Variants in CUBN observed in about 807,000 individuals in gnomAD.
CUBN encodes cubilin, also known as 460 kDa receptor.
CUBN carries 282 observed loss-of-function variants against 405.3 expected under a neutral mutation model. The observed-to-expected ratio is 0.70, with a 90% confidence interval of 0.63 to 0.77. The LOEUF (loss-of-function observed/expected upper bound fraction) is 0.77, where lower values mean the gene tolerates loss of function less well. Among genes scored for constraint, CUBN ranks in the 30% least tolerant of loss-of-function variants. CUBN has a pLI of 0.00. For synonymous variants in CUBN, 1,684 were observed against 1,617.0 expected (o/e 1.04, Z -0.99); for missense variants, 4,514 against 4,475.2 (o/e 1.01, Z -0.25).
At chr10:16,965,450 T>G (rs1258182350) in intron 31 of CUBN, among the ~76,000 whole-genome samples, 1 of 152,038 alleles carries the variant, frequency 6.6e-6, no homozygotes, top group African/African-American at 2.4e-5. Flanking sequence ...TCTGCTGTAA[T>G]CAAAACCCTG....
chr10:17,074,043 C>T (rs1028569032), intron 17 of CUBN, among the ~76,000 whole-genome samples: 7 of 152,220 alleles, frequency 4.6e-5, no homozygotes, highest in African/African-American at 1.2e-4. Context: ...TATATACCGC[C>T]GCTGTTCAGT....
chr10:17,067,281 A>T (rs1835631907), intron 21 of CUBN, among the ~76,000 whole-genome samples: 1 of 152,174 alleles, frequency 6.6e-6, no homozygotes, highest in African/African-American at 2.4e-5. Context: ...GCTAGAGAAA[A>T]AAAATTCATG....
intron 6 of CUBN, among the ~76,000 whole-genome samples, chr10:17,117,350 A>G (rs138284760): frequency 1.3e-5 from 2 of 152,156 alleles, no homozygotes; most frequent in East Asian, 3.9e-4. Flanking sequence ...ACACCTCCCA[A>G]CAATGTTTAA....
At chr10:17,105,247 C>T (rs1189125802) in intron 11 of CUBN, among the ~76,000 whole-genome samples, 1 of 152,004 alleles carries the variant, frequency 6.6e-6, no homozygotes, top group Non-Finnish European at 1.5e-5. Context: ...AGTTTTAGTA[C>T]TTCATAAACC....
Position 17,100,192 on chromosome 10 carries a change from G to C in CUBN, c.1578C>G (p.Asn526Lys), listed in dbSNP as rs767019816. Residue 526 changes from asparagine (N) to lysine (K), a missense_variant, in exon 14 of 67, where the codon AAC becomes AAG. Coordinates refer to ENST00000377833, the MANE Select transcript of CUBN (RefSeq NM_001081.4). ...AAACCTGAAGAAACTCGTGTGGACA[G>C]TTGTCCATGGATTCTAACCGGAAAA... ...FTFFRLESMD[N>K]CPHEFLQVYD... 1.9e-6 allele frequency: 3 copies of C among 1,614,026 alleles called. No homozygotes were observed. The South Asian group carries it at 3.3e-5, about 18-fold the overall frequency.
intron 33 of CUBN, among the ~76,000 whole-genome samples, chr10:16,951,233 T>C (rs937127816): frequency 5.9e-5 from 9 of 152,182 alleles, no homozygotes; most frequent in Non-Finnish European, 1.2e-4. Context: ...CAACTTTCTT[T>C]GGGGCTCCAC....
At chr10:16,903,286 T>G (rs2131428075) in intron 51 of CUBN, among the ~76,000 whole-genome samples, 1 of 152,322 alleles carries the variant, frequency 6.6e-6, no homozygotes, top group South Asian at 2.1e-4. Context: ...TGGAAGGGAC[T>G]TTCTTTAACA....
intron 60 of CUBN, among the ~76,000 whole-genome samples, chr10:16,841,571 C>T (rs1839349116): frequency 6.6e-6 from 1 of 152,182 alleles, no homozygotes. Context: ...TCTCCTCTCC[C>T]ACCCCTGACC....
chr10:16,953,834 G>A (rs4747291), intron 32 of CUBN, among the ~76,000 whole-genome samples: 14,320 of 150,458 alleles, frequency 0.095, 1,381 homozygotes, highest in African/African-American at 0.22. Context: ...CTGGGTGACA[G>A]AGAGAGACCC....
intron 59 of CUBN, among the ~76,000 whole-genome samples, chr10:16,853,869 G>T (rs149036399): frequency 1.3e-5 from 2 of 152,112 alleles, no homozygotes; most frequent in Non-Finnish European, 2.9e-5. Flanking sequence ...ACAGAAGAAC[G>T]ATGACTGAGG....
In CUBN at chr10:17,103,142, T is replaced by G. The variant is rs978754513; in HGVS notation, c.1513A>C (p.Lys505Gln). ...ACATTTACCTTTCCCATTTCAGTTT[T>G]GATAACCCAGAAGCAGTTAACATCA... ...VHDVNCFWVI[K>Q]TEMGKVLRIT... The change falls in exon 13 of 67, where the codon AAA (lysine) becomes CAA (glutamine). Residue 505 changes from lysine to glutamine, a missense_variant. This residue lies in a region of CUBN where 1,448 missense variants were observed against 1,388.0 expected (regional missense o/e 1.04). Coordinates refer to ENST00000377833, the MANE Select transcript of CUBN (RefSeq NM_001081.4). 5 of 1,611,786 alleles carry G rather than the reference T, an allele frequency of 3.1e-6. No individual in the cohort carries two copies. In the African/African-American group the frequency reaches 6.7e-5, roughly 22 times the overall value.
At chr10:16,843,177 C>A (rs1839409022) in intron 60 of CUBN, among the ~76,000 whole-genome samples, 1 of 152,202 alleles carries the variant, frequency 6.6e-6, no homozygotes, top group Admixed American at 6.5e-5. Flanking sequence ...GAACAATTCC[C>A]AACCATGGCT....
intron 22 of CUBN, among the ~76,000 whole-genome samples, chr10:17,058,523 AC>A (rs991310161): frequency 1.3e-5 from 2 of 152,086 alleles, no homozygotes; most frequent in Non-Finnish European, 1.5e-5. Flanking sequence ...ATTTGAAGGG[AC>A]CCCTGCTACA....
Position 16,899,094 on chromosome 10 carries a change from T to C in CUBN, c.8500A>G (p.Thr2834Ala). Residue 2834 changes from threonine (T) to alanine (A), a missense_variant, in exon 54 of 67, where the codon ACG (threonine) becomes GCG (alanine). This residue lies in a region of CUBN where 1,186 missense variants were observed against 1,186.9 expected (regional missense o/e 1.00). Coordinates refer to ENST00000377833, the MANE Select transcript of CUBN (RefSeq NM_001081.4). ...TGTTTACTTTTGTGAGTAATGGCCGTCCAGGAACATCTGCTGTTTTCGGGA... is the reference window on the plus strand; with the variant it reads ...TGTTTACTTTTGTGAGTAATGGCCGCCCAGGAACATCTGCTGTTTTCGGGA... ...NFPENSRCSW[T>A]AITHKSKHLE... 1 of 1,613,604 alleles carries C rather than the reference T, an allele frequency of 6.2e-7. No homozygotes were observed. Among genetic ancestry groups the C allele is most frequent in the Non-Finnish European group, 8.5e-7 (1 of 1,179,518 alleles).
intron 59 of CUBN, among the ~76,000 whole-genome samples, chr10:16,862,017 C>T (rs914929475): frequency 3.9e-5 from 6 of 152,100 alleles, no homozygotes; most frequent in Non-Finnish European, 2.9e-5. Context: ...GGCGTGGTTG[C>T]ATGCGCGGGT....
At chr10:17,122,648 A>G (rs2131322758) in intron 6 of CUBN, 147 bp downstream of exon 6, 1 of 679,616 alleles carries the variant, frequency 1.5e-6, no homozygotes. Flanking sequence ...ATAGCTATGT[A>G]GACGTTAAGC....
rs772951269 is a variant in CUBN, at chr10:16,948,522, A to G, written c.5165T>C (p.Ile1722Thr). The G allele has an allele frequency of 1.2e-6, 2 of 1,614,076 alleles. No individual in the cohort carries two copies. Among genetic ancestry groups the G allele is most frequent in the Admixed American group, 1.7e-5 (1 of 60,020 alleles). The change falls in exon 35 of 67, where the codon ATC (isoleucine) becomes ACC (threonine). Residue 1722 changes from isoleucine (I) to threonine (T), a missense_variant. Coordinates refer to ENST00000377833, the MANE Select transcript of CUBN (RefSeq NM_001081.4). Reference protein sequence around the residue: ...LTLRFVSDSSISAGGFHTTVT... With the variant: ...LTLRFVSDSSTSAGGFHTTVT... Reference sequence around the variant, plus strand: ...CGTGGTGTGGAAACCCCCAGCACTGATGCTAGAATCAGAGACGAATCTCAG... The same window carrying G: ...CGTGGTGTGGAAACCCCCAGCACTGGTGCTAGAATCAGAGACGAATCTCAG...
At chr10:16,850,912 A>T (rs945596839) in intron 60 of CUBN, among the ~76,000 whole-genome samples, 1 of 152,250 alleles carries the variant, frequency 6.6e-6, no homozygotes, top group African/African-American at 2.4e-5. Flanking sequence ...GGATTTGCCA[A>T]AGGTCCTTTG....
chr10:17,061,808 T>A (rs1222854163), intron 22 of CUBN, among the ~76,000 whole-genome samples: 2 of 152,230 alleles, frequency 1.3e-5, no homozygotes, highest in African/African-American at 4.8e-5. Flanking sequence ...TAGCCCTGAA[T>A]TAAATGTTAC....
Sources: gnomAD v4.1 joint callset for allele counts (sites outside exome capture counted in the v4.1 genomes callset) on GRCh38, gnomAD v4.1.1 for gene constraint, gnomAD v4.1.1 regional missense constraint, MANE v1.5 for transcripts, NCBI Gene and HGNC (gene_info 2026-07-23, HGNC 2026-07-21) for gene names.